The following EFCC1 variants were observed in gnomAD, a reference collection of about 807,000 sequenced individuals.
The protein encoded by EFCC1 is EF-hand and coiled-coil domain-containing protein 1.
In EFCC1, 50 loss-of-function variants were observed where a neutral mutation model predicts 52.1. That is an observed-to-expected ratio of 0.96 (90% CI 0.76 to 1.21). The LOEUF is 1.21. Ranked by LOEUF, EFCC1 falls within the 50% of genes most tolerant of loss-of-function variation. EFCC1 has a pLI of 0.00. For missense variants in EFCC1, 837 were observed against 867.3 expected (o/e 0.97, Z 0.44); for synonymous variants, 399 against 396.5 (o/e 1.01, Z -0.08).
chr3:129,022,306 C>T (rs1220523387), intron 2 of EFCC1, among the ~76,000 whole-genome samples: 2 of 152,072 alleles, frequency 1.3e-5, no homozygotes, highest in African/African-American at 2.4e-5. Context: ...GGCTCAGAGA[C>T]GGGGAGGGAG....
chr3:129,037,746 C>T (rs760804624), intron 6 of EFCC1, among the ~76,000 whole-genome samples: 3 of 152,052 alleles, frequency 2.0e-5, no homozygotes, highest in African/African-American at 4.8e-5. Context: ...TGACTGGTGA[C>T]GTGTTCAGAG....
chr3:129,040,019 C>T lies in EFCC1; in HGVS notation c.*171C>T. ...CCGAGCCCAGAGCCTCCCATTGCAG[C>T]ACCTGGCAGCCACCCCTTCCTCGGG... On this transcript the variant is annotated 3_prime_UTR_variant, in exon 8 of 8. Coordinates refer to ENST00000683648, the MANE Select transcript of EFCC1 (RefSeq NM_001377500.1). The surrounding 1 kb of genome is among the most constrained non-coding windows in gnomAD (Gnocchi z 4.4). 2 of 808,738 alleles carry T rather than the reference C, an allele frequency of 2.5e-6. No individual in the cohort carries two copies. Among genetic ancestry groups the T allele is most frequent in the Non-Finnish European group, 3.6e-6 (2 of 561,654 alleles). 50.1% of individuals were successfully genotyped at this position (808,738 alleles called of 1,614,324 possible).
Position 129,003,804 on chromosome 3 carries a change from G to C in EFCC1, c.707G>C (p.Trp236Ser). 1.4e-6 allele frequency: 2 copies of C among 1,460,498 alleles called. No homozygotes were observed. Among genetic ancestry groups the C allele is most frequent in the Non-Finnish European group, 1.8e-6 (2 of 1,111,332 alleles). The allele number at this position is 1,460,498 out of a possible 1,614,324, so 90.5% of individuals were successfully genotyped here. A position where few individuals can be genotyped will look rare whatever the true frequency, so the allele number is the denominator to read the frequency against. The change falls in exon 2 of 8, where the codon TGG becomes TCG. Residue 236 changes from tryptophan to serine, a missense_variant. Coordinates refer to ENST00000683648, the MANE Select transcript of EFCC1 (RefSeq NM_001377500.1). ...ARCLALQVGLWKSQASTHEMG... is the reference protein window; with the variant it reads ...ARCLALQVGLSKSQASTHEMG... ...GCCCTGTCCCCGCAGGTCGGACTCT[G>C]GAAGAGCCAGGCGAGCACCCACGAG...
intron 2 of EFCC1, among the ~76,000 whole-genome samples, chr3:129,008,186 T>C (rs552456481): frequency 6.6e-6 from 1 of 152,374 alleles, no homozygotes; most frequent in South Asian, 2.1e-4. Flanking sequence ...TTGAGTCCCA[T>C]ACCTGGGAAC....
intron 2 of EFCC1, among the ~76,000 whole-genome samples, chr3:129,027,139 A>AACGCCTGCAG (rs550111966): frequency 3.3e-5 from 5 of 151,900 alleles, no homozygotes; most frequent in Middle Eastern, 3.4e-3. Flanking sequence ...AAACGCCGGA[A>AACGCCTGCAG]ACGCCTGCAG....
At chr3:129,026,742 T>G (rs1281555675) in intron 2 of EFCC1, among the ~76,000 whole-genome samples, 3 of 152,142 alleles carry the variant, frequency 2.0e-5, no homozygotes, top group African/African-American at 7.2e-5. Context: ...AGTAGGGAGA[T>G]ACTGGCACCT....
At chr3:129,022,409 G>A (rs1658499874) in intron 2 of EFCC1, among the ~76,000 whole-genome samples, 1 of 152,222 alleles carries the variant, frequency 6.6e-6, no homozygotes, top group African/African-American at 2.4e-5. Flanking sequence ...AGAACTGAAG[G>A]AGGGGTCTGT....
At position 129,040,130 on chromosome 3, in the gene EFCC1, G is replaced by A. The variant is rs988248708; in HGVS notation, c.*282G>A. 1 of 389,920 alleles carries A rather than the reference G, an allele frequency of 2.6e-6. No homozygotes were observed. Among genetic ancestry groups the A allele is most frequent in the African/African-American group, 2.1e-5 (1 of 48,360 alleles). The allele number at this position is 389,920 out of a possible 1,614,324, so 24.2% of individuals were successfully genotyped here. On this transcript the variant is annotated 3_prime_UTR_variant, in exon 8 of 8. Transcript: ENST00000683648. The surrounding 1 kb of genome is among the most constrained non-coding windows in gnomAD (Gnocchi z 4.4). ...GCAGTTGCTGGATCAGCCTGCACCTGATGCTGTATCTTTCCCCTGCCCTCA... is the reference window on the plus strand; with the variant it reads ...GCAGTTGCTGGATCAGCCTGCACCTAATGCTGTATCTTTCCCCTGCCCTCA...
At chr3:129,034,047 C>T (rs551379953) in intron 4 of EFCC1, 117 bp from the exon 5 acceptor site, 33 of 1,315,690 alleles carry the variant, frequency 2.5e-5, no homozygotes, top group Admixed American at 9.6e-5. Context: ...AGGCAGGTGC[C>T]GTGGCCTGGC....
At chr3:129,002,912 G>C (rs1404381604) in intron 1 of EFCC1, among the ~76,000 whole-genome samples, 2 of 152,192 alleles carry the variant, frequency 1.3e-5, no homozygotes, top group Non-Finnish European at 2.9e-5. Context: ...GCGGGAACCA[G>C]ACCCGCTCTG....
chr3:129,006,403 G>A (rs1396277631), intron 2 of EFCC1, among the ~76,000 whole-genome samples: 1 of 152,216 alleles, frequency 6.6e-6, no homozygotes, highest in Non-Finnish European at 1.5e-5. Flanking sequence ...TGCAATCTCT[G>A]CCTCCCAGGT....
intron 2 of EFCC1, among the ~76,000 whole-genome samples, chr3:129,004,351 CATTT>C (rs1397755091): frequency 6.8e-6 from 1 of 146,100 alleles, no homozygotes; most frequent in Non-Finnish European, 1.5e-5. Context: ...TCCATCCATC[CATTT>C]GTCCATTCAC....
chr3:129,013,031 G>A (rs567816980), intron 2 of EFCC1, among the ~76,000 whole-genome samples: 1 of 152,326 alleles, frequency 6.6e-6, no homozygotes, highest in South Asian at 2.1e-4. Context: ...TGGAAGAAGA[G>A]GCCAGTTCCT....
At position 129,003,922 on chromosome 3, in the gene EFCC1, C is replaced by G; in HGVS notation, c.825C>G (p.Arg275=). Residue 275 remains arginine, a synonymous_variant, in exon 2 of 8, where the codon CGC becomes CGG. Transcript: ENST00000683648. ...AAAEARAGRL[R]RGQAEVRRRA... The stretch of plus-strand genomic sequence containing the variant: ...CGGAGGCCCGCGCTGGGCGGCTGCG[C>G]CGTGGCCAGGCCGAGGTGCGGCGGC... 7.3e-7 allele frequency: 1 copy of G among 1,368,732 alleles called. No homozygotes were observed. The highest frequency in any genetic ancestry group is 9.4e-7 in the Non-Finnish European group (1 of 1,065,378). The allele number at this position is 1,368,732 out of a possible 1,614,324, so 84.8% of individuals were successfully genotyped here.
intron 5 of EFCC1, 42 bp from the exon 6 acceptor site, chr3:129,036,935 G>A: frequency 3.7e-6 from 6 of 1,612,574 alleles, no homozygotes; most frequent in Non-Finnish European, 5.1e-6. Context: ...GGAAGGCTGG[G>A]AGAGGCCAGC....
At chr3:129,015,555 G>T (rs1383544904) in intron 2 of EFCC1, among the ~76,000 whole-genome samples, 1 of 152,002 alleles carries the variant, frequency 6.6e-6, no homozygotes, top group African/African-American at 2.4e-5. Context: ...GGCCTTAGAA[G>T]TCACCCAGCC....
intron 7 of EFCC1, 29 bp downstream of exon 7, chr3:129,038,929 C>T (rs1559977837): frequency 6.2e-7 from 1 of 1,602,700 alleles, no homozygotes; most frequent in East Asian, 2.2e-5. Flanking sequence ...CTCTCAGAGC[C>T]CACGCAGTGG....
chr3:129,019,468 C>T (rs924789970), intron 2 of EFCC1, among the ~76,000 whole-genome samples: 13 of 152,072 alleles, frequency 8.5e-5, no homozygotes, highest in Non-Finnish European at 1.3e-4. Flanking sequence ...GATGTGAGAC[C>T]GCAGCAGGAC....
intron 2 of EFCC1, among the ~76,000 whole-genome samples, chr3:129,018,872 C>G (rs72979115): frequency 2.0e-5 from 3 of 152,080 alleles, no homozygotes; most frequent in Non-Finnish European, 4.4e-5. Context: ...CCCCACTCGG[C>G]GCTGGAGTTC....
Sources: gnomAD v4.1 joint callset for allele counts (sites outside exome capture counted in the v4.1 genomes callset) on GRCh38, gnomAD v4.1.1 for gene constraint, Gnocchi (gnomAD v3.1) non-coding constraint, MANE v1.5 for transcripts, NCBI Gene and HGNC (gene_info 2026-07-23, HGNC 2026-07-21) for gene names.